RARG: variants seen among roughly 807,000 people sequenced by gnomAD.
RARG encodes the protein RAR-gamma.
RARG carries 17 observed loss-of-function variants against 43.7 expected under a neutral mutation model. That is an observed-to-expected ratio of 0.39 (90% CI 0.27 to 0.58). The LOEUF (loss-of-function observed/expected upper bound fraction) is 0.58, where lower values mean the gene tolerates loss of function less well. RARG is among the 20% of genes least tolerant of loss of function. The probability of loss-of-function intolerance (pLI) is 0.57; values close to 1 mark genes in which losing one functional copy is unlikely to be tolerated. For synonymous variants in RARG, 238 were observed against 236.4 expected (o/e 1.01, Z -0.06); for missense variants, 346 against 598.7 (o/e 0.58, Z 4.40).
Position 53,214,610 on chromosome 12 carries a change from G to C in RARG, c.476-4C>G. ...TTGTTCCGGTCATTTCGCACAGCTT[G>C]TGGGTGGAGGCGCAAGGAGAGGGTC... On this transcript the variant is annotated splice_region_variant and splice_polypyrimidine_tract_variant and intron_variant, in intron 5 of 9. Transcript: ENST00000425354. The C allele has an allele frequency of 6.3e-7, 1 of 1,596,874 alleles. No homozygotes were observed. The highest frequency in any genetic ancestry group is 8.6e-7 in the Non-Finnish European group (1 of 1,166,000).
Position 53,213,179 on chromosome 12 carries a change from C to G in RARG, c.1083G>C (p.Leu361=). ...GCCGCCGGCGCCGGGCGTACAGCCTCAGGGCTTCCAGCAGTGGCTCCTGCA... is the reference window on the plus strand; with the variant it reads ...GCCGCCGGCGCCGGGCGTACAGCCTGAGGGCTTCCAGCAGTGGCTCCTGCA... The part of the protein sequence containing the change: ...DKLQEPLLEA[L]RLYARRRRPS... Residue 361 remains leucine, a synonymous_variant, in exon 9 of 10, where the codon CTG becomes CTC. Coordinates refer to ENST00000425354, the MANE Select transcript of RARG (RefSeq NM_000966.6). The surrounding 1 kb of genome is among the most constrained non-coding windows in gnomAD (Gnocchi z 4.7). 2.5e-6 allele frequency: 4 copies of G among 1,610,312 alleles called. No homozygotes were observed. Among genetic ancestry groups the G allele is most frequent in the Non-Finnish European group, 3.4e-6 (4 of 1,176,540 alleles).
At chr12:53,216,684 G>A (rs149354519) in intron 3 of RARG, among the ~76,000 whole-genome samples, 62 of 152,204 alleles carry the variant, frequency 4.1e-4, no homozygotes, top group South Asian at 2.7e-3. Flanking sequence ...CAGGACTGAT[G>A]GGGGAGGGAA....
chr12:53,214,415 C>G lies in RARG; in HGVS notation c.636+31G>C, dbSNP rs201324406. The G allele has an allele frequency of 1.0e-4, 164 of 1,601,026 alleles. No homozygotes were observed. The African/African-American group carries it at 2.1e-3, about 20-fold the overall frequency. The stretch of plus-strand genomic sequence containing the variant: ...CCCATTCCCCAAAGTGAAGAGTGCC[C>G]TGCCCTCACTGGGCTCTGCCCATTC... On this transcript the variant is annotated intron_variant, in intron 6 of 9. Coordinates refer to ENST00000425354, the MANE Select transcript of RARG (RefSeq NM_000966.6).
intron 3 of RARG, among the ~76,000 whole-genome samples, chr12:53,226,617 CTT>C (rs35671935): frequency 1.6e-5 from 2 of 125,190 alleles, no homozygotes; most frequent in African/African-American, 3.0e-5. Flanking sequence ...GAGCCTTTTT[CTT>C]TTTTTTTTTT....
intron 2 of RARG, among the ~76,000 whole-genome samples, chr12:53,230,791 G>T (rs1444425364): frequency 6.9e-6 from 1 of 145,870 alleles, no homozygotes; most frequent in East Asian, 1.9e-4. Flanking sequence ...GCCGGGGTGT[G>T]GGGGGGCGTG....
chr12:53,218,198 C>G (rs1301108874), intron 3 of RARG, among the ~76,000 whole-genome samples: 1 of 151,908 alleles, frequency 6.6e-6, no homozygotes, highest in African/African-American at 2.4e-5. Flanking sequence ...CAAACAGGCA[C>G]ACACACACAC....
chr12:53,220,073 G>T, intron 3 of RARG: 2 of 1,549,582 alleles, frequency 1.3e-6, no homozygotes, highest in Non-Finnish European at 1.7e-6. Context: ...CGCGGACCCG[G>T]GGCAAACGTT....
chr12:53,224,294 C>T (rs779143833), intron 3 of RARG, among the ~76,000 whole-genome samples: 3 of 151,930 alleles, frequency 2.0e-5, no homozygotes, highest in Non-Finnish European at 4.4e-5. Flanking sequence ...CACTTCTCAA[C>T]AAGGATGTCC....
intron 2 of RARG, among the ~76,000 whole-genome samples, chr12:53,228,929 T>A (rs949972264): frequency 1.3e-5 from 2 of 152,162 alleles, no homozygotes; most frequent in African/African-American, 2.4e-5. Context: ...AAGTTCTCCC[T>A]GCAACCTCTC....
At chr12:53,217,865 G>A (rs952546881) in intron 3 of RARG, among the ~76,000 whole-genome samples, 12 of 152,130 alleles carry the variant, frequency 7.9e-5, no homozygotes, top group Non-Finnish European at 1.5e-5. Flanking sequence ...GGCTGTAAAC[G>A]CTCCCAGCTG....
Position 53,213,493 on chromosome 12 carries a change from C to T in RARG, c.1018+3G>A. ...GAGCAGACGCCAGGGGGCGCCCCCG[C>T]ACCTCCGCAGATGAGGCAGATGGCG... On this transcript the variant is annotated splice_donor_region_variant and intron_variant, in intron 8 of 9. Coordinates refer to ENST00000425354, the MANE Select transcript of RARG (RefSeq NM_000966.6). This position sits in a 1 kb window ranked among gnomAD's most constrained non-coding sequence, Gnocchi z 4.7. 6.2e-7 allele frequency: 1 copy of T among 1,612,994 alleles called. No homozygotes were observed. Among genetic ancestry groups the T allele is most frequent in the Non-Finnish European group, 8.5e-7 (1 of 1,179,972 alleles).
intron 2 of RARG, among the ~76,000 whole-genome samples, chr12:53,230,836 C>CGTGTGTGTGTGT (rs59367849): frequency 1.6e-4 from 19 of 120,000 alleles, no homozygotes; most frequent in Admixed American, 3.3e-4. Flanking sequence ...GGCCACAGTG[C>CGTGTGTGTGTGT]GTGTGTGTGT....
rs1226834123 is a variant in RARG, at chr12:53,223,539, A to C, written c.184+3823T>G. Among the ~76,000 whole-genome samples, 56 of 91,340 alleles carry C rather than the reference A, an allele frequency of 6.1e-4. No homozygotes were observed. In the Admixed American group the frequency reaches 6.2e-3, roughly 10 times the overall value. 59.9% of individuals were successfully genotyped at this position (91,340 alleles called of 152,430 possible). On this transcript the variant is annotated intron_variant, in intron 3 of 9. Transcript: ENST00000425354. ...GCTCCCCCCGCCCCCCCCCCGCCCA[A>C]GAGGTTTCCTGTTGCAATCAAAGCC...
In RARG at chr12:53,232,060, G is replaced by A. The variant is rs906470942; in HGVS notation, c.-296C>T. 2.3e-5 allele frequency: 9 copies of A among 398,426 alleles called. No individual in the cohort carries two copies. Among genetic ancestry groups the A allele is most frequent in the Admixed American group, 4.4e-5 (1 of 22,718 alleles). The allele number at this position is 398,426 out of a possible 1,614,324, so 24.7% of individuals were successfully genotyped here. On this transcript the variant is annotated 5_prime_UTR_variant, in exon 1 of 10. Transcript: ENST00000425354. ...TGGATGGAGCGTCGCAATGTCCGGG[G>A]CTCGCCGTACTGGGGGGCTCCTGGG... is the stretch of plus-strand genomic sequence containing the variant.
rs1193330065 is a variant in RARG at position 53,221,166 on chromosome 12, GC to G, written c.185-5373del. 1.4e-3 allele frequency among the ~76,000 whole-genome samples: 32 copies of G among 22,144 alleles called. No homozygotes were observed. The South Asian group carries it at 0.039, about 27-fold the overall frequency. 14.5% of individuals were successfully genotyped at this position (22,144 alleles called of 152,430 possible). ...TTCAGCGCTGCCGCGGAGTCCCCCC[GC>G]CCCCTCCAGCGCAGCCAGAGTCTAC... On this transcript the variant is annotated intron_variant, in intron 3 of 9. Coordinates refer to ENST00000425354, the MANE Select transcript of RARG (RefSeq NM_000966.6).
At chr12:53,219,906 C>A in intron 3 of RARG, 1 of 1,437,928 alleles carries the variant, frequency 7.0e-7, no homozygotes, top group Non-Finnish European at 9.2e-7. Context: ...TAAATCCCAC[C>A]CTCTCCTGCA....
chr12:53,228,201 G>C (rs1219752760), intron 2 of RARG, among the ~76,000 whole-genome samples: 1 of 152,126 alleles, frequency 6.6e-6, no homozygotes, highest in Admixed American at 6.5e-5. Flanking sequence ...GGAGTACAAG[G>C]CAAAGGTTAG....
intron 3 of RARG, among the ~76,000 whole-genome samples, chr12:53,216,933 G>C (rs950811168): frequency 6.6e-6 from 1 of 151,842 alleles, no homozygotes; most frequent in Non-Finnish European, 1.5e-5. Context: ...CCCAAACCTG[G>C]AGGGCCCAAG....
In RARG at chr12:53,215,512, C is replaced by T. The variant is rs768844797; in HGVS notation, c.334-78G>A. 1.6e-5 allele frequency: 25 copies of T among 1,599,568 alleles called. No individual in the cohort carries two copies. In the Admixed American group the frequency reaches 3.0e-4, roughly 19 times the overall value. On this transcript the variant is annotated intron_variant, in intron 4 of 9. Coordinates refer to ENST00000425354, the MANE Select transcript of RARG (RefSeq NM_000966.6). This position sits in a 1 kb window ranked among gnomAD's most constrained non-coding sequence, Gnocchi z 6.4. ...AGCCTCTCACTGGCCTTGCAGGTTG[C>T]CCCAAGCCTGACCTAATCTATTAAC...
Sources: allele counts gnomAD v4.1 joint callset (sites outside exome capture counted in the v4.1 genomes callset), GRCh38; gene constraint gnomAD v4.1.1; non-coding constraint Gnocchi (gnomAD v3.1); transcripts MANE v1.5; gene names NCBI Gene and HGNC (gene_info 2026-07-23, HGNC 2026-07-21).